The following COL11A1 variants were observed in gnomAD, a reference collection of about 807,000 sequenced individuals.
The protein encoded by COL11A1 is collagen alpha-1(XI) chain.
COL11A1 carries 74 observed loss-of-function variants against 265.2 expected under a neutral mutation model. The observed-to-expected ratio is 0.28, with a 90% confidence interval of 0.23 to 0.34. COL11A1 has a LOEUF of 0.34. Among genes scored for constraint, COL11A1 ranks in the 10% least tolerant of loss-of-function variants. COL11A1 has a pLI of 1.00. For missense variants in COL11A1, 2,165 were observed against 2,263.6 expected (o/e 0.96, Z 0.88); for synonymous variants, 816 against 727.6 (o/e 1.12, Z -1.96).
At chr1:103,058,645 C>A (rs1221850622) in intron 4 of COL11A1, among the ~76,000 whole-genome samples, 1 of 151,996 alleles carries the variant, frequency 6.6e-6, no homozygotes, top group Non-Finnish European at 1.5e-5. Context: ...TACTAAATGA[C>A]CTAATTTCAA....
chr1:102,924,482 A>C (rs561989881), intron 46 of COL11A1, among the ~76,000 whole-genome samples: 4 of 152,290 alleles, frequency 2.6e-5, no homozygotes, highest in Middle Eastern at 3.4e-3. Flanking sequence ...TACATTTATA[A>C]ATTTTCTTAT....
chr1:103,108,355 T>C lies in COL11A1; in HGVS notation c.-177A>G. 1.5e-6 allele frequency: 1 copy of C among 659,492 alleles called. No homozygotes were observed. The highest frequency in any genetic ancestry group is 2.2e-5 in the Admixed American group (1 of 46,386). The allele number at this position is 659,492 out of a possible 1,614,324, so 40.9% of individuals were successfully genotyped here. ...TTTGATGGTTTGCGTTCTTCGTGTCTCTAGCCCTTTCCTCTCCCTCTGAGT... is the reference window on the plus strand; with the variant it reads ...TTTGATGGTTTGCGTTCTTCGTGTCCCTAGCCCTTTCCTCTCCCTCTGAGT... On this transcript the variant is annotated 5_prime_UTR_variant, in exon 1 of 67. Transcript: ENST00000370096.
Position 103,009,211 on chromosome 1 carries a change from C to T in COL11A1, c.1630-695G>A, listed in dbSNP as rs189862316. 6.1e-3 allele frequency among the ~76,000 whole-genome samples: 929 copies of T among 152,158 alleles called. 17 individuals carry two copies. Among genetic ancestry groups the T allele is most frequent in the African/African-American group, 0.021 (874 of 41,512 alleles). On this transcript the variant is annotated intron_variant, in intron 14 of 66. Coordinates refer to ENST00000370096, the MANE Select transcript of COL11A1 (RefSeq NM_001854.4). ...GGTAGATCACCTGAGGTCAGGAGTT[C>T]GAGACCAGACTGGCCAATATAGTGA...
intron 2 of COL11A1, among the ~76,000 whole-genome samples, chr1:103,081,233 T>C (rs976762947): frequency 8.6e-5 from 13 of 151,894 alleles, no homozygotes; most frequent in African/African-American, 2.7e-4. Context: ...CAGAACACAC[T>C]GACCCTGAGA....
rs561904861 is a variant in COL11A1 at position 102,895,143 on chromosome 1, T to C, written c.4302+2982A>G. Among the ~76,000 whole-genome samples, 4 of 152,302 alleles carry C rather than the reference T, an allele frequency of 2.6e-5. No homozygotes were observed. The South Asian group carries it at 8.3e-4, about 32-fold the overall frequency. On this transcript the variant is annotated intron_variant, in intron 57 of 66. Transcript: ENST00000370096. ...AATACTATATCACATCTGACTCTAG[T>C]AGAGCTGATAACATAGTGTGGGCAG... is the stretch of plus-strand genomic sequence containing the variant.
chr1:102,974,854 T>G lies in COL11A1; in HGVS notation c.2784A>C (p.Gly928=), dbSNP rs372062790. 2 of 1,613,414 alleles carry G rather than the reference T, an allele frequency of 1.2e-6. No individual in the cohort carries two copies. The highest frequency in any genetic ancestry group is 2.7e-5 in the African/African-American group (2 of 74,896). ...RGPQGPQGPV[G]FPGPKGPPGP... ...CAGGAGGGCCTTTTGGTCCAGGGAA[T>G]CCAACTGGACCCTGAGGTCCTTGAG... The change falls in exon 36 of 67, where the codon GGA becomes GGC. Residue 928 remains glycine, a synonymous_variant. Coordinates refer to ENST00000370096, the MANE Select transcript of COL11A1 (RefSeq NM_001854.4).
intron 48 of COL11A1, among the ~76,000 whole-genome samples, chr1:102,920,610 T>C (rs897399058): frequency 2.0e-5 from 3 of 152,196 alleles, no homozygotes; most frequent in Non-Finnish European, 2.9e-5. Flanking sequence ...TTTCAAACTC[T>C]GGTTGATTCC....
At chr1:102,951,471 G>T (rs1199735011) in intron 41 of COL11A1, among the ~76,000 whole-genome samples, 2 of 152,212 alleles carry the variant, frequency 1.3e-5, no homozygotes, top group Non-Finnish European at 2.9e-5. Flanking sequence ...GCCAAGGCGG[G>T]CGGATCACGA....
chr1:103,099,068 CAA>C (rs1036393171), intron 1 of COL11A1, among the ~76,000 whole-genome samples: 1 of 151,780 alleles, frequency 6.6e-6, no homozygotes, highest in African/African-American at 2.4e-5. Context: ...CTTCATTCAG[CAA>C]AGTTTTACCA....
chr1:103,068,540 A>G (rs1243682602), intron 4 of COL11A1, among the ~76,000 whole-genome samples: 1 of 151,682 alleles, frequency 6.6e-6, no homozygotes, highest in East Asian at 1.9e-4. Context: ...CAGAAAAAAA[A>G]GTAAGAATAC....
At chr1:102,987,503 A>G in intron 30 of COL11A1, 130 bp downstream of exon 30, 1 of 771,926 alleles carries the variant, frequency 1.3e-6, no homozygotes, top group Non-Finnish European at 2.2e-6. Flanking sequence ...GCAAATTTAA[A>G]ATGATAATGA....
Position 103,017,874 on chromosome 1 carries a change from C to T in COL11A1, c.1359G>A (p.Met453Ile), listed in dbSNP as rs755173952. The T allele has an allele frequency of 6.2e-7, 1 of 1,612,628 alleles. No individual in the cohort carries two copies. Among genetic ancestry groups the T allele is most frequent in the African/African-American group, 1.3e-5 (1 of 74,852 alleles). ...PPGPAGPAGI[M>I]GPPGLQGPTG... ...TGGGGCCTTGTAGACCTGGAGGACCCATAATACCCTATAGAGAAACACACC... is the reference window on the plus strand; with the variant it reads ...TGGGGCCTTGTAGACCTGGAGGACCTATAATACCCTATAGAGAAACACACC... Residue 453 changes from methionine to isoleucine, a missense_variant, in exon 11 of 67, where the codon ATG becomes ATA. Coordinates refer to ENST00000370096, the MANE Select transcript of COL11A1 (RefSeq NM_001854.4).
intron 2 of COL11A1, among the ~76,000 whole-genome samples, chr1:103,079,351 C>T (rs937560428): frequency 5.3e-5 from 8 of 152,048 alleles, no homozygotes; most frequent in African/African-American, 1.7e-4. Context: ...TTCTTAATAT[C>T]AAACAATGCA....
rs1205961095 is a variant in COL11A1 at position 102,878,310 on chromosome 1, T to A, written c.5275-145A>T. On this transcript the variant is annotated intron_variant, in intron 66 of 66. Transcript: ENST00000370096. ...AAATTTTCTATTATCTATGTAATAA[T>A]TCTTATCACTGTATAGTTCTAAATT... The A allele has an allele frequency of 3.0e-6, 2 of 656,816 alleles. 1 individual carries two copies. Among genetic ancestry groups the A allele is most frequent in the South Asian group, 4.0e-5 (2 of 49,494 alleles). 40.7% of individuals were successfully genotyped at this position (656,816 alleles called of 1,614,324 possible).
At chr1:103,003,093 A>T (rs1048555268) in intron 21 of COL11A1, 122 bp downstream of exon 21, 44 of 975,940 alleles carry the variant, frequency 4.5e-5, no homozygotes, top group Non-Finnish European at 6.9e-5. Context: ...GGCAGCAACA[A>T]TAGATCTTCA....
chr1:102,930,144 G>A (rs1022403300), intron 46 of COL11A1, among the ~76,000 whole-genome samples: 56 of 152,146 alleles, frequency 3.7e-4, no homozygotes, highest in Non-Finnish European at 7.5e-4. Context: ...TAGGAGTGGT[G>A]AGAGAAGGCA....
rs912547419 is a variant in COL11A1 at position 102,945,892 on chromosome 1, G to A, written c.3276+957C>T. On this transcript the variant is annotated intron_variant, in intron 42 of 66. Transcript: ENST00000370096. ...CACATGCACACGTATGTTTATTGCGGCACTATTCACAATAGCAAAGACTTG... is the reference window on the plus strand; with the variant it reads ...CACATGCACACGTATGTTTATTGCGACACTATTCACAATAGCAAAGACTTG... 3.3e-5 allele frequency among the ~76,000 whole-genome samples: 5 copies of A among 151,518 alleles called. No individual in the cohort carries two copies. In the East Asian group the frequency reaches 7.8e-4, roughly 24 times the overall value.
intron 11 of COL11A1, among the ~76,000 whole-genome samples, chr1:103,016,982 T>C (rs988702688): frequency 6.6e-6 from 1 of 151,860 alleles, no homozygotes; most frequent in Non-Finnish European, 1.5e-5. Flanking sequence ...TTACAGAATA[T>C]AAAAAGGTCT....
At chr1:102,974,936 T>C (rs1374264589) in intron 35 of COL11A1, 53 bp from the exon 36 acceptor site, 3 of 1,315,970 alleles carry the variant, frequency 2.3e-6, no homozygotes, top group Middle Eastern at 3.6e-4. Flanking sequence ...AGAAGATGCA[T>C]CTTTATACTT....
Sources: gnomAD v4.1 joint callset for allele counts (sites outside exome capture counted in the v4.1 genomes callset) on GRCh38, gnomAD v4.1.1 for gene constraint, MANE v1.5 for transcripts, NCBI Gene and HGNC (gene_info 2026-07-23, HGNC 2026-07-21) for gene names.